The following BUB1B variants were observed in gnomAD, a reference collection of about 807,000 sequenced individuals.
BUB1B encodes mitotic checkpoint serine/threonine-protein kinase BUB1 beta.
BUB1B carries 86 observed loss-of-function variants against 137.7 expected under a neutral mutation model. The observed-to-expected ratio is 0.62, with a 90% CI of 0.52 to 0.75. BUB1B has a LOEUF of 0.75. Ranked by LOEUF, BUB1B falls within the 30% of genes least tolerant of loss-of-function variation. BUB1B has a pLI of 0.00. For missense variants in BUB1B, 1,130 were observed against 1,236.9 expected (o/e 0.91, Z 1.30); for synonymous variants, 420 against 417.9 (o/e 1.00, Z -0.06).
Position 40,176,479 on chromosome 15 carries a change from G to A in BUB1B, c.387G>A (p.Gly129=). Residue 129 remains glycine, a splice_region_variant and synonymous_variant, in exon 5 of 23, where the codon GGG becomes GGA. Coordinates refer to ENST00000287598, the MANE Select transcript of BUB1B (RefSeq NM_001211.6). ...PRFLNLWLKL[G]RLCNEPLDMY... is the part of the protein sequence containing the mutation. ...AACTGTTAACACTTCTGTTACAGGG[G>A]CGTTTATGCAATGAGCCTTTGGATA... The A allele has an allele frequency of 6.2e-7, 1 of 1,613,938 alleles. No homozygotes were observed. Among genetic ancestry groups the A allele is most frequent in the East Asian group, 2.2e-5 (1 of 44,884 alleles).
intron 20 of BUB1B, among the ~76,000 whole-genome samples, chr15:40,216,273 A>T (rs1285586789): frequency 2.6e-5 from 4 of 152,018 alleles, no homozygotes; most frequent in Non-Finnish European, 5.9e-5. Flanking sequence ...CCTCATCTCT[A>T]CAAAAAATTA....
intron 2 of BUB1B, among the ~76,000 whole-genome samples, chr15:40,167,909 A>C (rs554649399): frequency 6.6e-6 from 1 of 152,176 alleles, no homozygotes; most frequent in African/African-American, 2.4e-5. Context: ...TTTCACCAAT[A>C]AAATACACTG....
At chr15:40,200,043 A>G in intron 10 of BUB1B, 2 of 610,716 alleles carry the variant, frequency 3.3e-6, no homozygotes, top group Non-Finnish European at 5.8e-6. Context: ...AATTTAGTAT[A>G]TGCCTGGCAC....
chr15:40,186,778 T>A (rs185549925), intron 8 of BUB1B, among the ~76,000 whole-genome samples: 1 of 152,202 alleles, frequency 6.6e-6, no homozygotes, highest in Admixed American at 6.5e-5. Flanking sequence ...TCTGTCCCAG[T>A]GCAAGAGTTA....
chr15:40,206,488 C>T (rs1365057291), intron 15 of BUB1B, 30 bp downstream of exon 15: 8 of 1,613,216 alleles, frequency 5.0e-6, no homozygotes, highest in East Asian at 4.5e-5. Flanking sequence ...TTTTACAAAC[C>T]AGATTGTTTA....
rs747909507 is a variant in BUB1B at position 40,206,447 on chromosome 15, C to T, written c.1998C>T (p.Ile666=). 15 of 1,614,062 alleles carry T rather than the reference C, an allele frequency of 9.3e-6. 1 individual carries two copies. In the South Asian group the frequency reaches 1.5e-4, roughly 17 times the overall value. ...CGTIYSQTLS[I]KKLSPIIEDS... is the part of the protein sequence containing the mutation. Reference sequence around the variant, plus strand: ...CTATCTACAGTCAGACTCTCAGCATCAAGAAGCTGAGGTGATTGGGGATTT... The same window carrying T: ...CTATCTACAGTCAGACTCTCAGCATTAAGAAGCTGAGGTGATTGGGGATTT... Residue 666 remains isoleucine (I), a synonymous_variant, in exon 15 of 23, where the codon ATC becomes ATT. Transcript: ENST00000287598.
intron 20 of BUB1B, 70 bp downstream of exon 20, chr15:40,213,544 T>G (rs2037740052): frequency 1.2e-5 from 19 of 1,579,966 alleles, no homozygotes; most frequent in Non-Finnish European, 1.2e-5. Flanking sequence ...ACTTTTTTTT[T>G]TCTTTTTTGA....
Position 40,220,665 on chromosome 15 carries a change from A to G in BUB1B, c.3059A>G (p.Asn1020Ser), listed in dbSNP as rs1427939209. ...SVLGELAAEM[N>S]GVFDTTFQSH... ...CTTGGGGAGCTTGCAGCAGAAATGA[A>G]TGGGGTTTTTGACACTACATTCCAA... Residue 1020 changes from asparagine (N) to serine (S), a missense_variant, in exon 23 of 23, where the codon AAT (asparagine) becomes AGT (serine). Coordinates refer to ENST00000287598, the MANE Select transcript of BUB1B (RefSeq NM_001211.6). The G allele has an allele frequency of 6.2e-7, 1 of 1,614,166 alleles. No homozygotes were observed. The highest frequency in any genetic ancestry group is 8.5e-7 in the Non-Finnish European group (1 of 1,180,024).
rs145578529 is a variant in BUB1B at position 40,202,659 on chromosome 15, A to G, written c.1699A>G (p.Ile567Val). The G allele has an allele frequency of 1.2e-6, 2 of 1,614,064 alleles. No individual in the cohort carries two copies. Among genetic ancestry groups the G allele is most frequent in the African/African-American group, 1.3e-5 (1 of 75,042 alleles). Residue 567 changes from isoleucine to valine, a missense_variant, in exon 14 of 23, where the codon ATC becomes GTC. Ile to Val is a conservative substitution (Grantham distance 29, BLOSUM62 3). Coordinates refer to ENST00000287598, the MANE Select transcript of BUB1B (RefSeq NM_001211.6). Reference sequence around the variant, plus strand: ...TGCAGTTCTCAAAACCTCAGAAAGCATCACCTCAAATGAAGATGTGTCTCC... The same window carrying G: ...TGCAGTTCTCAAAACCTCAGAAAGCGTCACCTCAAATGAAGATGTGTCTCC... ...PLAVLKTSES[I>V]TSNEDVSPDV...
chr15:40,200,868 TA>T (rs1291663546), intron 11 of BUB1B, 62 bp from the exon 12 acceptor site: 1 of 1,438,256 alleles, frequency 7.0e-7, no homozygotes, highest in Non-Finnish European at 9.8e-7. Flanking sequence ...CTTGGACTTT[TA>T]AAAATTAAAC....
chr15:40,205,167 G>A (rs1230104669), intron 14 of BUB1B, among the ~76,000 whole-genome samples: 3 of 151,934 alleles, frequency 2.0e-5, no homozygotes, highest in Non-Finnish European at 4.4e-5. Context: ...GGCTGGTCTC[G>A]AGCGCCTGAC....
At chr15:40,166,256 C>A (rs890936843) in intron 2 of BUB1B, 13 of 356,308 alleles carry the variant, frequency 3.6e-5, no homozygotes, top group African/African-American at 6.7e-5. Context: ...TATTTAGATT[C>A]TTCCAGTTTT....
chr15:40,199,508 C>T (rs1231189812), intron 9 of BUB1B, 107 bp from the exon 10 acceptor site: 7 of 804,274 alleles, frequency 8.7e-6, no homozygotes, highest in Admixed American at 2.0e-5. Flanking sequence ...AAATCATTTT[C>T]ATCTGTATTA....
At position 40,170,560 on chromosome 15, in the gene BUB1B, A is replaced by T; in HGVS notation, c.263A>T (p.Asn88Ile). The stretch of plus-strand genomic sequence containing the variant: ...AGGTATATCAGCTGGACAGAGCAGA[A>T]CTATCCTCAAGGTGGGAAGGAGAGT... ...WDRYISWTEQNYPQGGKESNM... is the reference protein window; with the variant it reads ...WDRYISWTEQIYPQGGKESNM... Residue 88 changes from asparagine (N) to isoleucine (I), a missense_variant, in exon 4 of 23, where the codon AAC becomes ATC. Physicochemically the swap from Asn to Ile is moderately radical, Grantham distance 149. Coordinates refer to ENST00000287598, the MANE Select transcript of BUB1B (RefSeq NM_001211.6). The T allele has an allele frequency of 6.2e-7, 1 of 1,613,692 alleles. No homozygotes were observed. Among genetic ancestry groups the T allele is most frequent in the Non-Finnish European group, 8.5e-7 (1 of 1,179,638 alleles).
intron 8 of BUB1B, among the ~76,000 whole-genome samples, chr15:40,186,482 G>C (rs898865212): frequency 3.3e-5 from 4 of 121,770 alleles, no homozygotes; most frequent in Admixed American, 3.3e-4. Flanking sequence ...GTGTCGCCCA[G>C]GCTGGAGTGT....
In BUB1B at chr15:40,183,063, G is replaced by T. The variant is rs1407273670; in HGVS notation, c.582-651G>T. 3.9e-5 allele frequency among the ~76,000 whole-genome samples: 6 copies of T among 152,166 alleles called. No homozygotes were observed. The East Asian group carries it at 9.7e-4, about 25-fold the overall frequency. ...GGCCAACACCTGCAATTTATTCTGGGTTTTTTGGGGTTTTTTTTACCCTTA... is the reference window on the plus strand; with the variant it reads ...GGCCAACACCTGCAATTTATTCTGGTTTTTTTGGGGTTTTTTTTACCCTTA... On this transcript the variant is annotated intron_variant, in intron 5 of 22. Transcript: ENST00000287598.
intron 8 of BUB1B, among the ~76,000 whole-genome samples, chr15:40,195,531 A>G (rs1279020990): frequency 2.0e-5 from 3 of 152,094 alleles, no homozygotes; most frequent in Non-Finnish European, 2.9e-5. Context: ...TGGTGGATCT[A>G]CTTTTAGTTC....
At chr15:40,209,257 A>G (rs1595533234) in intron 16 of BUB1B, among the ~76,000 whole-genome samples, 1 of 152,200 alleles carries the variant, frequency 6.6e-6, no homozygotes. Context: ...CAACTCTACT[A>G]AAAATACAAA....
chr15:40,205,051 A>T (rs1460026033), intron 14 of BUB1B, among the ~76,000 whole-genome samples: 1 of 149,802 alleles, frequency 6.7e-6, no homozygotes, highest in Non-Finnish European at 1.5e-5. Context: ...GGTTCAAGCA[A>T]TTCTCCTGCC....
Sources: allele counts gnomAD v4.1 joint callset (sites outside exome capture counted in the v4.1 genomes callset), GRCh38; gene constraint gnomAD v4.1.1; transcripts MANE v1.5; gene names NCBI Gene and HGNC (gene_info 2026-07-23, HGNC 2026-07-21).